CSMD1: variants seen among roughly 807,000 people sequenced by gnomAD.
The protein encoded by CSMD1 is CUB and sushi domain-containing protein 1.
CSMD1 carries 213 observed loss-of-function variants against 417.5 expected under a neutral mutation model. That is an observed-to-expected ratio of 0.51 (90% CI 0.46 to 0.57). CSMD1 has a LOEUF of 0.57. Ranked by LOEUF, CSMD1 falls within the 20% of genes least tolerant of loss-of-function variation. CSMD1 has a pLI of 0.00. For synonymous variants in CSMD1, 2,862 were observed against 1,736.8 expected, an observed-to-expected ratio of 1.65 and a Z score of -16.11; for missense variants, 6,923 against 4,529.7, an observed-to-expected ratio of 1.53 and a Z score of -15.17.
chr8:3,005,723 G>T (rs549249863), intron 52 of CSMD1, among the ~76,000 whole-genome samples: 1 of 151,438 alleles, frequency 6.6e-6, no homozygotes, highest in Admixed American at 6.6e-5. Flanking sequence ...ATTCAACAAC[G>T]CTTCATGCTA....
chr8:4,713,827 T>C (rs951760716), intron 1 of CSMD1, among the ~76,000 whole-genome samples: 3 of 152,160 alleles, frequency 2.0e-5, no homozygotes, highest in African/African-American at 7.2e-5. Flanking sequence ...TGCTTTCTTC[T>C]GTCCTTTTAA....
intron 3 of CSMD1, among the ~76,000 whole-genome samples, chr8:4,114,617 A>T (rs1361448966): frequency 1.3e-5 from 2 of 152,248 alleles, no homozygotes; most frequent in Non-Finnish European, 2.9e-5. Flanking sequence ...CTTGGTCAAA[A>T]TAAATTGAAA....
chr8:4,563,196 T>A (rs1032148570), intron 2 of CSMD1, among the ~76,000 whole-genome samples: 2 of 152,062 alleles, frequency 1.3e-5, no homozygotes, highest in African/African-American at 4.8e-5. Context: ...GGTCAGGAGA[T>A]TGAGACCATC....
chr8:2,990,723 T>C (rs1806310484), intron 54 of CSMD1, among the ~76,000 whole-genome samples: 1 of 152,202 alleles, frequency 6.6e-6, no homozygotes, highest in Non-Finnish European at 1.5e-5. Flanking sequence ...AGGATTTTGT[T>C]ATGAATGTAA....
At chr8:3,035,325 C>A (rs771355076) in intron 50 of CSMD1, among the ~76,000 whole-genome samples, 2 of 152,186 alleles carry the variant, frequency 1.3e-5, no homozygotes, top group South Asian at 2.1e-4. Context: ...GTAAGCGGAT[C>A]CTCACTCACA....
At chr8:3,500,269 T>G (rs936246575) in intron 10 of CSMD1, among the ~76,000 whole-genome samples, 2 of 152,114 alleles carry the variant, frequency 1.3e-5, no homozygotes, top group African/African-American at 2.4e-5. Context: ...TTCCTCTTTG[T>G]GAAGGAGGAA....
chr8:3,808,942 G>C (rs1011506148), intron 5 of CSMD1, among the ~76,000 whole-genome samples: 1 of 152,124 alleles, frequency 6.6e-6, no homozygotes, highest in African/African-American at 2.4e-5. Flanking sequence ...GTGCTATGTA[G>C]AGGGGTCGTT....
chr8:3,470,378 T>C (rs911646795), intron 11 of CSMD1, among the ~76,000 whole-genome samples: 1 of 152,216 alleles, frequency 6.6e-6, no homozygotes, highest in Admixed American at 6.5e-5. Context: ...TGGATACACA[T>C]GTGGTAGGTA....
chr8:3,033,919 G>C, intron 50 of CSMD1, among the ~76,000 whole-genome samples: 1 of 152,170 alleles, frequency 6.6e-6, no homozygotes, highest in Non-Finnish European at 1.5e-5. Context: ...TTGTAACAAG[G>C]AGTTGAGTCT....
At chr8:3,947,668 TGATAA>T (rs1392764285) in intron 5 of CSMD1, among the ~76,000 whole-genome samples, 3 of 152,216 alleles carry the variant, frequency 2.0e-5, no homozygotes, top group African/African-American at 7.2e-5. Context: ...AATTATGTTG[TGATAA>T]GATAATATAA....
intron 1 of CSMD1, among the ~76,000 whole-genome samples, chr8:4,975,336 C>A (rs571405786): frequency 1.1e-3 from 164 of 152,254 alleles, no homozygotes; most frequent in African/African-American, 3.8e-3. Context: ...AAAGCATTGG[C>A]AATAAGAAAA....
intron 50 of CSMD1, among the ~76,000 whole-genome samples, chr8:3,040,717 C>T (rs11996674): frequency 0.033 from 5,008 of 152,020 alleles, 282 homozygotes; most frequent in African/African-American, 0.11. Context: ...GCAAAAGAAT[C>T]GCTTGAACCC....
At chr8:3,808,709 T>C (rs1238756563) in intron 5 of CSMD1, among the ~76,000 whole-genome samples, 1 of 152,194 alleles carries the variant, frequency 6.6e-6, no homozygotes, top group African/African-American at 2.4e-5. Context: ...AGTTCCCACT[T>C]GCGTAAACTT....
intron 3 of CSMD1, among the ~76,000 whole-genome samples, chr8:4,071,031 T>G (rs937484227): frequency 7.2e-5 from 11 of 152,230 alleles, no homozygotes; most frequent in Non-Finnish European, 2.9e-5. Context: ...GCTTTTTCTC[T>G]GTCTCTTTTG....
At chr8:4,784,358 G>T (rs1797299015) in intron 1 of CSMD1, among the ~76,000 whole-genome samples, 1 of 152,140 alleles carries the variant, frequency 6.6e-6, no homozygotes, top group South Asian at 2.1e-4. Context: ...CCCCTGCAGG[G>T]TCATTTAATG....
intron 54 of CSMD1, among the ~76,000 whole-genome samples, chr8:2,984,813 G>T (rs372747681): frequency 6.6e-6 from 1 of 152,216 alleles, no homozygotes; most frequent in African/African-American, 2.4e-5. Context: ...CTTTTCAATC[G>T]TCCATACCAC....
chr8:3,590,577 G>A (rs1800803216), intron 8 of CSMD1, among the ~76,000 whole-genome samples: 1 of 152,158 alleles, frequency 6.6e-6, no homozygotes, highest in African/African-American at 2.4e-5. Context: ...GTACAGTATA[G>A]AACACATTCC....
Position 3,515,080 on chromosome 8 carries a change from T to G in CSMD1, c.1345-21354A>C, listed in dbSNP as rs181219243. Among the ~76,000 whole-genome samples the G allele has an allele frequency of 1.5e-3, 228 of 152,328 alleles. 1 individual carries two copies. The highest frequency in any genetic ancestry group is 4.4e-3 in the Admixed American group (68 of 15,294). On this transcript the variant is annotated intron_variant, in intron 10 of 69. Transcript: ENST00000635120. ...TAACTTTTCAAAATAATAATACAGT[T>G]AATGAACATTTTACACATTTAAAAA...
intron 13 of CSMD1, among the ~76,000 whole-genome samples, 160 bp downstream of exon 13, chr8:3,409,263 G>A (rs183734605): frequency 6.6e-6 from 1 of 152,222 alleles, no homozygotes; most frequent in Admixed American, 6.5e-5. Context: ...CAGGCAAGTT[G>A]GTGTTCGAGA....
Sources: gnomAD v4.1 joint callset for allele counts (sites outside exome capture counted in the v4.1 genomes callset) on GRCh38, gnomAD v4.1.1 for gene constraint, MANE v1.5 for transcripts, NCBI Gene and HGNC (gene_info 2026-07-23, HGNC 2026-07-21) for gene names.